APBB1IP: variants seen among roughly 807,000 people sequenced by gnomAD.
APBB1IP encodes the protein amyloid beta A4 precursor protein-binding family B member 1-interacting protein.
In APBB1IP, 27 loss-of-function variants were observed where a neutral mutation model predicts 64.9. That is an observed-to-expected ratio of 0.42 (90% CI 0.31 to 0.57). The LOEUF is 0.57. APBB1IP is among the 20% of genes least tolerant of loss of function. The pLI is 0.20. For missense variants in APBB1IP, 812 were observed against 845.5 expected (o/e 0.96, Z 0.49); for synonymous variants, 392 against 331.0 (o/e 1.18, Z -2.00).
chr10:26,524,705 C>T (rs1836448068), intron 8 of APBB1IP, among the ~76,000 whole-genome samples: 1 of 152,088 alleles, frequency 6.6e-6, no homozygotes, highest in Admixed American at 6.6e-5. Context: ...AAGAACTGAG[C>T]TTTATCTAAA....
intron 3 of APBB1IP, among the ~76,000 whole-genome samples, chr10:26,495,966 A>AAT (rs569843234): frequency 0.15 from 21,353 of 142,088 alleles, 4,215 homozygotes; most frequent in African/African-American, 0.46. Flanking sequence ...ATATATATTT[A>AAT]ATATATATAA....
chr10:26,477,649 G>A (rs1835790640), intron 2 of APBB1IP, among the ~76,000 whole-genome samples: 1 of 152,180 alleles, frequency 6.6e-6, no homozygotes, highest in African/African-American at 2.4e-5. Context: ...CATGACCAAG[G>A]TAGGCACTAT....
At chr10:26,548,548 A>G (rs1324952694) in intron 11 of APBB1IP, among the ~76,000 whole-genome samples, 2 of 151,980 alleles carry the variant, frequency 1.3e-5, no homozygotes, top group Non-Finnish European at 2.9e-5. Context: ...AGTTTTCGTC[A>G]TAGAGCTCTT....
In APBB1IP at chr10:26,567,315, C is replaced by A; in HGVS notation, c.1828C>A (p.Pro610Thr). 8.2e-7 allele frequency: 1 copy of A among 1,215,926 alleles called. No homozygotes were observed. The highest frequency in any genetic ancestry group is 1.0e-6 in the Non-Finnish European group (1 of 960,328). 75.3% of individuals were successfully genotyped at this position (1,215,926 alleles called of 1,614,324 possible). ...PPPPPPPAPA[P>T]APVPDSARPP... ...GCCGCCGCCGCCGCCCGCGCCCGCGCCCGCCCCCGTCCCCGACTCCGCCAG... is the reference window on the plus strand; with the variant it reads ...GCCGCCGCCGCCGCCCGCGCCCGCGACCGCCCCCGTCCCCGACTCCGCCAG... The change falls in exon 15 of 15, where the codon CCC (proline) becomes ACC (threonine). Residue 610 changes from proline to threonine, a missense_variant. Physicochemically the swap from Pro to Thr is conservative, Grantham distance 38 (BLOSUM62 -1). This residue lies in a region of APBB1IP where 381 missense variants were observed against 352.1 expected (regional missense o/e 1.08). Transcript: ENST00000376236.
chr10:26,562,585 A>T (rs375052558), intron 14 of APBB1IP, among the ~76,000 whole-genome samples, 156 bp downstream of exon 14: 4 of 152,176 alleles, frequency 2.6e-5, no homozygotes, highest in East Asian at 3.9e-4. Flanking sequence ...GGATCACTTG[A>T]GCTTCAGTTT....
intron 2 of APBB1IP, among the ~76,000 whole-genome samples, chr10:26,469,683 C>CAG (rs1159257403): frequency 6.6e-6 from 1 of 152,044 alleles, no homozygotes; most frequent in Non-Finnish European, 1.5e-5. Context: ...GTTTGTGGTA[C>CAG]AGATGATCCC....
At chr10:26,496,757 A>T (rs1352839025) in intron 4 of APBB1IP, among the ~76,000 whole-genome samples, 3 of 151,598 alleles carry the variant, frequency 2.0e-5, no homozygotes, top group Non-Finnish European at 4.4e-5. Flanking sequence ...TTTCATAATG[A>T]TTAATAAATA....
chr10:26,516,890 G>C (rs182304408), intron 8 of APBB1IP, among the ~76,000 whole-genome samples: 41 of 152,238 alleles, frequency 2.7e-4, no homozygotes, highest in African/African-American at 9.4e-4. Flanking sequence ...AAGATATATG[G>C]GGGGAGATAA....
chr10:26,490,589 C>T (rs954519775), intron 2 of APBB1IP, among the ~76,000 whole-genome samples: 1 of 152,066 alleles, frequency 6.6e-6, no homozygotes, highest in African/African-American at 2.4e-5. Context: ...TGCACCACTG[C>T]ACCCCAGCCT....
At chr10:26,548,732 GT>G (rs1321808047) in intron 11 of APBB1IP, among the ~76,000 whole-genome samples, 1 of 152,096 alleles carries the variant, frequency 6.6e-6, no homozygotes, top group Non-Finnish European at 1.5e-5. Context: ...AGTTCTAACA[GT>G]TTTTTTGGTG....
chr10:26,519,796 T>C (rs1314831149), intron 8 of APBB1IP, among the ~76,000 whole-genome samples: 1 of 152,214 alleles, frequency 6.6e-6, no homozygotes, highest in Admixed American at 6.5e-5. Context: ...TTTAAGTAAA[T>C]GTATTTCCAT....
In APBB1IP at chr10:26,567,167, G is replaced by A. The variant is rs1255682370; in HGVS notation, c.1680G>A (p.Pro560=). The A allele has an allele frequency of 1.1e-5, 16 of 1,415,212 alleles. No homozygotes were observed. The highest frequency in any genetic ancestry group is 3.0e-5 in the Admixed American group (1 of 33,586). 87.7% of individuals were successfully genotyped at this position (1,415,212 alleles called of 1,614,324 possible). ...PDDFLPPPPP[P]PPLDDPELPP... Reference sequence around the variant, plus strand: ...ACTTCCTGCCGCCGCCGCCACCGCCGCCGCCCCTCGATGACCCTGAGCTCC... The same window carrying A: ...ACTTCCTGCCGCCGCCGCCACCGCCACCGCCCCTCGATGACCCTGAGCTCC... Residue 560 remains proline, a synonymous_variant, in exon 15 of 15, where the codon CCG becomes CCA. Transcript: ENST00000376236.
At position 26,444,065 on chromosome 10, in the gene APBB1IP, G is replaced by A. The variant is rs1004497652; in HGVS notation, c.-1+5212G>A. Among the ~76,000 whole-genome samples, 6 of 152,196 alleles carry A rather than the reference G, an allele frequency of 3.9e-5. No homozygotes were observed. In the South Asian group the frequency reaches 1.0e-3, roughly 26 times the overall value. On this transcript the variant is annotated intron_variant, in intron 2 of 14. Coordinates refer to ENST00000376236, the MANE Select transcript of APBB1IP (RefSeq NM_019043.4). ...TGAAGTTGCAATATGCGATAAGGTG[G>A]TCAGGCTGGGCCCTTTCGTTTGCAG...
chr10:26,536,160 G>A lies in APBB1IP; in HGVS notation c.987G>A (p.Arg329=). The A allele has an allele frequency of 1.3e-5, 21 of 1,609,458 alleles. No individual in the cohort carries two copies. The highest frequency in any genetic ancestry group is 1.7e-5 in the Non-Finnish European group (20 of 1,178,264). ...LKEDGKKSWK[R]RYFLLRASGI... ...AAGATGGAAAGAAATCCTGGAAAAG[G>A]CGCTATTTTCTTTTACGGGCTTCTG... Residue 329 remains arginine (R), a synonymous_variant, in exon 10 of 15, where the codon AGG becomes AGA. Coordinates refer to ENST00000376236, the MANE Select transcript of APBB1IP (RefSeq NM_019043.4).
At chr10:26,561,357 T>TG (rs1290763872) in intron 13 of APBB1IP, among the ~76,000 whole-genome samples, 1 of 150,614 alleles carries the variant, frequency 6.6e-6, no homozygotes, top group Non-Finnish European at 1.5e-5. Flanking sequence ...CGTGAACCAT[T>TG]GCACCTGGCC....
intron 2 of APBB1IP, among the ~76,000 whole-genome samples, chr10:26,483,829 C>T (rs1246330306): frequency 2.6e-5 from 4 of 152,128 alleles, no homozygotes; most frequent in South Asian, 2.1e-4. Flanking sequence ...CTTCCTGCCT[C>T]GGCCTCCTGA....
intron 2 of APBB1IP, among the ~76,000 whole-genome samples, chr10:26,491,908 C>T (rs548926216): frequency 1.4e-4 from 22 of 151,974 alleles, no homozygotes; most frequent in South Asian, 2.1e-4. Context: ...ACTACAGGCA[C>T]GTGCCACCAC....
intron 2 of APBB1IP, among the ~76,000 whole-genome samples, chr10:26,441,880 A>T (rs1029569337): frequency 7.9e-5 from 12 of 152,216 alleles, no homozygotes; most frequent in Non-Finnish European, 7.3e-5. Context: ...AATTATTATA[A>T]TGTTTACTTA....
At chr10:26,450,362 C>T (rs1835451677) in intron 2 of APBB1IP, among the ~76,000 whole-genome samples, 1 of 151,968 alleles carries the variant, frequency 6.6e-6, no homozygotes, top group South Asian at 2.1e-4. Context: ...CAAGTATTAT[C>T]TCCTTGTATT....
Sources: allele counts gnomAD v4.1 joint callset (sites outside exome capture counted in the v4.1 genomes callset), GRCh38; gene constraint gnomAD v4.1.1; regional missense constraint gnomAD v4.1.1; transcripts MANE v1.5; gene names NCBI Gene and HGNC (gene_info 2026-07-23, HGNC 2026-07-21).